The following CSMD1 variants were observed in gnomAD, a reference collection of about 807,000 sequenced individuals.
CSMD1 encodes CUB and sushi domain-containing protein 1.
CSMD1 carries 213 observed loss-of-function variants against 417.5 expected under a neutral mutation model. The observed-to-expected ratio is 0.51, with a 90% CI of 0.46 to 0.57. The LOEUF is 0.57. CSMD1 is among the 20% of genes least tolerant of loss of function. The probability of loss-of-function intolerance (pLI) is 0.00; values close to 1 mark genes in which losing one functional copy is unlikely to be tolerated. For synonymous variants in CSMD1, 2,862 were observed against 1,736.8 expected, an observed-to-expected ratio of 1.65 and a Z score of -16.11; for missense variants, 6,923 against 4,529.7, an observed-to-expected ratio of 1.53 and a Z score of -15.17.
intron 12 of CSMD1, among the ~76,000 whole-genome samples, chr8:3,448,389 A>G (rs1452271253): frequency 9.3e-5 from 1 of 10,702 alleles, no homozygotes; most frequent in African/African-American, 6.6e-4. Flanking sequence ...GGGAGGAGGG[A>G]GGAGGAAGGG....
At position 3,888,103 on chromosome 8, in the gene CSMD1, C is replaced by T. The variant is rs115628945; in HGVS notation, c.818+109800G>A. 6.3e-3 allele frequency among the ~76,000 whole-genome samples: 952 copies of T among 152,238 alleles called. 11 individuals carry two copies. Among genetic ancestry groups the T allele is most frequent in the African/African-American group, 0.021 (890 of 41,548 alleles). On this transcript the variant is annotated intron_variant, in intron 5 of 69. Coordinates refer to ENST00000635120, the MANE Select transcript of CSMD1 (RefSeq NM_033225.6). ...TGCAATATCATTAATTAAAAACCAA[C>T]GCTCCTTTGCCTAAGTGGGATAACA... is the stretch of plus-strand genomic sequence containing the variant.
intron 40 of CSMD1, among the ~76,000 whole-genome samples, chr8:3,145,424 G>A (rs993975726): frequency 2.0e-5 from 3 of 152,132 alleles, no homozygotes; most frequent in African/African-American, 4.8e-5. Flanking sequence ...CAACTTGCAA[G>A]GGGATCAGGG....
chr8:3,737,384 T>C (rs2623702), intron 6 of CSMD1, among the ~76,000 whole-genome samples: 14,875 of 152,306 alleles, frequency 0.098, 895 homozygotes, highest in East Asian at 0.19. Context: ...CATTGTGCAA[T>C]CTTTATTTCT....
At chr8:4,930,197 T>C (rs948073956) in intron 1 of CSMD1, among the ~76,000 whole-genome samples, 4 of 152,190 alleles carry the variant, frequency 2.6e-5, no homozygotes, top group Non-Finnish European at 5.9e-5. Context: ...CGTTCTCCAA[T>C]TCCAATATGC....
intron 10 of CSMD1, among the ~76,000 whole-genome samples, chr8:3,534,019 G>C (rs149542591): frequency 6.6e-6 from 1 of 152,232 alleles, no homozygotes; most frequent in East Asian, 1.9e-4. Flanking sequence ...TGCGGAAGAA[G>C]AATATTCTAT....
intron 1 of CSMD1, chr8:4,788,224 G>C: frequency 1.9e-6 from 3 of 1,588,852 alleles, no homozygotes; most frequent in Non-Finnish European, 2.6e-6. Flanking sequence ...GCGCATAAAG[G>C]ACCAGATGAA....
At chr8:4,357,235 G>A (rs912601885) in intron 3 of CSMD1, among the ~76,000 whole-genome samples, 12 of 152,234 alleles carry the variant, frequency 7.9e-5, no homozygotes, top group East Asian at 1.9e-4. Flanking sequence ...AGCCTCTTAC[G>A]TGCTAGAATT....
intron 3 of CSMD1, among the ~76,000 whole-genome samples, chr8:4,111,818 G>C (rs891390091): frequency 6.6e-6 from 1 of 152,050 alleles, no homozygotes; most frequent in African/African-American, 2.4e-5. Context: ...AATACATATG[G>C]GGCTTGAATC....
At chr8:4,000,325 T>C (rs1815569449) in intron 4 of CSMD1, among the ~76,000 whole-genome samples, 1 of 152,270 alleles carries the variant, frequency 6.6e-6, no homozygotes, top group African/African-American at 2.4e-5. Flanking sequence ...CCACAGTTTT[T>C]ATTACATTCT....
Position 3,223,795 on chromosome 8 carries a change from G to A in CSMD1, c.4418C>T (p.Pro1473Leu). The change falls in exon 28 of 70, where the codon CCT becomes CTT. Residue 1473 changes from proline (P) to leucine (L), a missense_variant. Coordinates refer to ENST00000635120, the MANE Select transcript of CSMD1 (RefSeq NM_033225.6). ...TACTCTCCAGTCACATTCCTTCCCA[G>A]GAGGATACGGCTGTGGGTAGTTGGG... ...LSPNYPQPYP[P>L]GKECDWRVKV... is the part of the protein sequence containing the mutation. 6.2e-7 allele frequency: 1 copy of A among 1,613,880 alleles called. No homozygotes were observed. Among genetic ancestry groups the A allele is most frequent in the Non-Finnish European group, 8.5e-7 (1 of 1,179,826 alleles).
Position 2,957,770 on chromosome 8 carries a change from T to C in CSMD1, c.9740A>G (p.Tyr3247Cys). 6.3e-7 allele frequency: 1 copy of C among 1,595,546 alleles called. No homozygotes were observed. Among genetic ancestry groups the C allele is most frequent in the South Asian group, 1.1e-5 (1 of 87,690 alleles). Residue 3247 changes from tyrosine (Y) to cysteine (C), a missense_variant, in exon 63 of 70, where the codon TAC becomes TGC. Coordinates refer to ENST00000635120, the MANE Select transcript of CSMD1 (RefSeq NM_033225.6). ...GCGAGTCGTGGAACCTTGAATATGG[T>C]AGCCTTTTCTGCACCTGAAAAAAAC... Reference protein sequence around the residue: ...STVFFRCRKGYHIQGSTTRTC... With the variant: ...STVFFRCRKGCHIQGSTTRTC...
intron 7 of CSMD1, among the ~76,000 whole-genome samples, chr8:3,639,564 C>G (rs1303973465): frequency 2.0e-5 from 3 of 152,116 alleles, no homozygotes; most frequent in Non-Finnish European, 4.4e-5. Context: ...CCTGCCTCAA[C>G]CAGACCATCC....
At chr8:3,838,567 GTCTC>G (rs1258914231) in intron 5 of CSMD1, among the ~76,000 whole-genome samples, 41 of 127,316 alleles carry the variant, frequency 3.2e-4, no homozygotes, top group African/African-American at 1.0e-3. Context: ...GATATATATA[GTCTC>G]TCTATATATC....
At chr8:3,034,556 G>A (rs1168118519) in intron 50 of CSMD1, among the ~76,000 whole-genome samples, 1 of 151,890 alleles carries the variant, frequency 6.6e-6, no homozygotes, top group Non-Finnish European at 1.5e-5. Flanking sequence ...ATAAATATAT[G>A]TACATATGTA....
intron 5 of CSMD1, among the ~76,000 whole-genome samples, chr8:3,888,562 G>C (rs573377267): frequency 1.3e-5 from 2 of 152,278 alleles, no homozygotes; most frequent in South Asian, 4.1e-4. Flanking sequence ...TCAAGTACCA[G>C]CTGGAGAAAG....
intron 3 of CSMD1, among the ~76,000 whole-genome samples, chr8:4,174,179 AACT>A (rs1421661403): frequency 6.6e-6 from 1 of 152,164 alleles, no homozygotes; most frequent in African/African-American, 2.4e-5. Flanking sequence ...GAGAATGTTA[AACT>A]ACTGAGGAAA....
intron 2 of CSMD1, among the ~76,000 whole-genome samples, chr8:4,557,272 G>T (rs1024121180): frequency 6.6e-6 from 1 of 152,084 alleles, no homozygotes; most frequent in Non-Finnish European, 1.5e-5. Flanking sequence ...CAAGCTAAAG[G>T]CATCAAATTG....
chr8:4,297,107 A>C (rs2128870966), intron 3 of CSMD1, among the ~76,000 whole-genome samples: 1 of 152,190 alleles, frequency 6.6e-6, no homozygotes. Flanking sequence ...AGAGCATCGT[A>C]GGTGTAATAC....
At chr8:3,435,504 G>T (rs1324857817) in intron 12 of CSMD1, among the ~76,000 whole-genome samples, 1 of 151,982 alleles carries the variant, frequency 6.6e-6, no homozygotes, top group African/African-American at 2.4e-5. Flanking sequence ...CATTCCTGAA[G>T]CCCACTCTGT....
Sources: allele counts gnomAD v4.1 joint callset (sites outside exome capture counted in the v4.1 genomes callset), GRCh38; gene constraint gnomAD v4.1.1; transcripts MANE v1.5; gene names NCBI Gene and HGNC (gene_info 2026-07-23, HGNC 2026-07-21).